AK5: variants seen among roughly 807,000 people sequenced by gnomAD.
AK5 encodes adenylate kinase isoenzyme 5.
AK5 carries 27 observed loss-of-function variants against 69.5 expected under a neutral mutation model. The observed-to-expected ratio is 0.39, with a 90% confidence interval of 0.29 to 0.54. AK5 has a LOEUF of 0.54. AK5 is among the 20% of genes least tolerant of loss of function. The probability of loss-of-function intolerance (pLI) is 0.71; values close to 1 mark genes in which losing one functional copy is unlikely to be tolerated. For missense variants in AK5, 531 were observed against 700.4 expected, an observed-to-expected ratio of 0.76 and a Z score of 2.73; for synonymous variants, 260 against 244.4, an observed-to-expected ratio of 1.06 and a Z score of -0.60.
At chr1:77,406,118 G>A (rs12122210) in intron 6 of AK5, among the ~76,000 whole-genome samples, 9,578 of 141,654 alleles carry the variant, frequency 0.068, 378 homozygotes, top group Middle Eastern at 0.099. Context: ...ACAGATATCT[G>A]AAAAGAAAAA....
At chr1:77,430,877 G>A (rs899516582) in intron 8 of AK5, among the ~76,000 whole-genome samples, 1 of 152,166 alleles carries the variant, frequency 6.6e-6, no homozygotes, top group Non-Finnish European at 1.5e-5. Context: ...GCGCTATAAA[G>A]TGAAGACACT....
chr1:77,542,064 C>T (rs1465512785), intron 13 of AK5, among the ~76,000 whole-genome samples: 1 of 152,176 alleles, frequency 6.6e-6, no homozygotes, highest in Non-Finnish European at 1.5e-5. Context: ...CACGGTGGCT[C>T]ACACCTGTAA....
At chr1:77,541,374 A>G (rs1384807759) in intron 13 of AK5, among the ~76,000 whole-genome samples, 1 of 152,210 alleles carries the variant, frequency 6.6e-6, no homozygotes, top group African/African-American at 2.4e-5. Context: ...CAGTGAACCA[A>G]GATAGTGCCA....
chr1:77,477,392 T>C (rs1655011910), intron 8 of AK5, among the ~76,000 whole-genome samples: 1 of 152,150 alleles, frequency 6.6e-6, no homozygotes, highest in African/African-American at 2.4e-5. Context: ...AAGTGAACCC[T>C]TCCAAGAACT....
chr1:77,504,740 T>C (rs536073931), intron 10 of AK5, among the ~76,000 whole-genome samples: 2 of 152,300 alleles, frequency 1.3e-5, no homozygotes, highest in Admixed American at 1.3e-4. Context: ...TCCTCATCAC[T>C]ACTCCCTGCA....
chr1:77,556,988 T>C (rs1396563576), intron 13 of AK5, among the ~76,000 whole-genome samples: 5 of 151,904 alleles, frequency 3.3e-5, no homozygotes, highest in Admixed American at 6.6e-5. Flanking sequence ...CTTTTTTTTT[T>C]CCTTTTTTCG....
At chr1:77,468,664 G>A (rs1654292719) in intron 8 of AK5, among the ~76,000 whole-genome samples, 1 of 152,238 alleles carries the variant, frequency 6.6e-6, no homozygotes, top group Non-Finnish European at 1.5e-5. Flanking sequence ...AAGTAGAAAA[G>A]AGCAGGCCGG....
intron 8 of AK5, among the ~76,000 whole-genome samples, chr1:77,419,488 T>C (rs2100586521): frequency 6.6e-6 from 1 of 151,584 alleles, no homozygotes; most frequent in East Asian, 1.9e-4. Context: ...ATGAAACAAA[T>C]ACATGAACAA....
intron 5 of AK5, among the ~76,000 whole-genome samples, chr1:77,319,257 C>T (rs1006068375): frequency 2.0e-5 from 3 of 152,138 alleles, no homozygotes; most frequent in Non-Finnish European, 2.9e-5. Flanking sequence ...CTCTGATCTC[C>T]TACTGATGCT....
chr1:77,508,608 T>C (rs924908734), intron 10 of AK5, among the ~76,000 whole-genome samples: 9 of 152,182 alleles, frequency 5.9e-5, no homozygotes, highest in Non-Finnish European at 1.3e-4. Context: ...GGCTCTCACC[T>C]GTAATACCAG....
chr1:77,405,675 T>C (rs2349964), intron 6 of AK5, among the ~76,000 whole-genome samples: 149,189 of 152,266 alleles, frequency 0.98, 73,153 homozygotes, highest in East Asian at 1. Context: ...CTGGGCAGTG[T>C]AACCAAGAAG....
At chr1:77,480,445 C>G (rs1251197068) in intron 8 of AK5, among the ~76,000 whole-genome samples, 1 of 152,130 alleles carries the variant, frequency 6.6e-6, no homozygotes, top group African/African-American at 2.4e-5. Context: ...ACTCAGGAAG[C>G]CTGGCAGAGG....
At chr1:77,479,815 A>G (rs1655152111) in intron 8 of AK5, among the ~76,000 whole-genome samples, 1 of 152,178 alleles carries the variant, frequency 6.6e-6, no homozygotes, top group African/African-American at 2.4e-5. Flanking sequence ...ATGGAGCCTC[A>G]ACACAGAAAA....
At chr1:77,468,079 T>C (rs980258083) in intron 8 of AK5, among the ~76,000 whole-genome samples, 1 of 152,224 alleles carries the variant, frequency 6.6e-6, no homozygotes, top group African/African-American at 2.4e-5. Context: ...CTGAGGCCAC[T>C]TTAGTACACC....
Position 77,535,917 on chromosome 1 carries a change from G to A in AK5, c.1499G>A (p.Arg500Lys), listed in dbSNP as rs1190831581. The change falls in exon 13 of 14, where the codon AGG becomes AAG. Residue 500 changes from arginine (R) to lysine (K), a missense_variant. Coordinates refer to ENST00000354567, the MANE Select transcript of AK5 (RefSeq NM_174858.3). ...ADTMTNRLLQ[R>K]SRSSLPVDDT... ...ACCATGACCAACCGCCTTCTCCAAAGGAGCCGGAGCAGCCTGCCTGTGGAC... is the reference window on the plus strand; with the variant it reads ...ACCATGACCAACCGCCTTCTCCAAAAGAGCCGGAGCAGCCTGCCTGTGGAC... The A allele has an allele frequency of 1.2e-6, 2 of 1,613,942 alleles. No individual in the cohort carries two copies. Among genetic ancestry groups the A allele is most frequent in the Admixed American group, 1.7e-5 (1 of 59,996 alleles).
intron 6 of AK5, among the ~76,000 whole-genome samples, chr1:77,367,849 TATATA>T (rs1326044007): frequency 0.11 from 350 of 3,314 alleles, 73 homozygotes; most frequent in African/African-American, 0.18. Context: ...ATATATATTA[TATATA>T]ATATATAATA....
At chr1:77,351,210 A>G (rs1662178059) in intron 6 of AK5, among the ~76,000 whole-genome samples, 1 of 152,198 alleles carries the variant, frequency 6.6e-6, no homozygotes, top group Non-Finnish European at 1.5e-5. Flanking sequence ...CCTGGGCAAC[A>G]TGGCGAAACC....
At chr1:77,545,709 T>C (rs1659508708) in intron 13 of AK5, among the ~76,000 whole-genome samples, 1 of 152,238 alleles carries the variant, frequency 6.6e-6, no homozygotes, top group African/African-American at 2.4e-5. Flanking sequence ...TCCCAGCTCC[T>C]TGATGCTTAG....
intron 13 of AK5, among the ~76,000 whole-genome samples, chr1:77,542,231 G>A (rs766493842): frequency 1.3e-5 from 2 of 152,128 alleles, no homozygotes; most frequent in African/African-American, 2.4e-5. Context: ...GCTGAGGCAC[G>A]AGAATTACTT....
Sources: gnomAD v4.1 joint callset for allele counts (sites outside exome capture counted in the v4.1 genomes callset) on GRCh38, gnomAD v4.1.1 for gene constraint, MANE v1.5 for transcripts, NCBI Gene and HGNC (gene_info 2026-07-23, HGNC 2026-07-21) for gene names.